Variants in MYCBP2 observed in about 807,000 individuals in gnomAD.
MYCBP2 encodes MYC binding protein 2, also known as E3 ubiquitin-protein ligase MYCBP2.
In MYCBP2, 120 loss-of-function variants were observed where a neutral mutation model predicts 525.3. That is an observed-to-expected ratio of 0.23 (90% CI 0.20 to 0.27). MYCBP2 has a LOEUF of 0.27. Among genes scored for constraint, MYCBP2 ranks in the 10% least tolerant of loss-of-function variants. MYCBP2 has a pLI of 1.00. For missense variants in MYCBP2, 4,149 were observed against 5,657.1 expected, an observed-to-expected ratio of 0.73 and a Z score of 8.55; for synonymous variants, 1,894 against 1,955.8, an observed-to-expected ratio of 0.97 and a Z score of 0.83.
At position 77,169,610 on chromosome 13, in the gene MYCBP2, A is replaced by T. The variant is rs779786201; in HGVS notation, c.5895+4T>A. The T allele has an allele frequency of 7.5e-6, 12 of 1,603,698 alleles. No homozygotes were observed. The highest frequency in any genetic ancestry group is 1.0e-5 in the Non-Finnish European group (12 of 1,171,236). On this transcript the variant is annotated splice_donor_region_variant and intron_variant, in intron 39 of 82. Coordinates refer to ENST00000544440, the MANE Select transcript of MYCBP2 (RefSeq NM_015057.5). ...ATTCAAAGTTATAGAATTAAATTACACACCTTGGGAATAGCAGCAGCTACT... is the reference window on the plus strand; with the variant it reads ...ATTCAAAGTTATAGAATTAAATTACTCACCTTGGGAATAGCAGCAGCTACT...
chr13:77,216,718 T>C (rs2064870263), intron 21 of MYCBP2, among the ~76,000 whole-genome samples: 1 of 152,098 alleles, frequency 6.6e-6, no homozygotes, highest in South Asian at 2.1e-4. Context: ...AATGTTATAA[T>C]AGACAATACA....
intron 55 of MYCBP2, among the ~76,000 whole-genome samples, chr13:77,104,782 G>A (rs938107899): frequency 6.6e-6 from 1 of 152,122 alleles, no homozygotes; most frequent in East Asian, 1.9e-4. Flanking sequence ...AGCAGTTTCC[G>A]AGGATAGGGA....
chr13:77,099,149 A>T (rs990179914), intron 55 of MYCBP2, 136 bp from the exon 56 acceptor site: 2 of 1,156,262 alleles, frequency 1.7e-6, no homozygotes, highest in Admixed American at 2.7e-5. Flanking sequence ...TACTTGAAGA[A>T]TAAAGGAAAG....
chr13:77,065,764 G>GT (rs1264687767), intron 72 of MYCBP2, among the ~76,000 whole-genome samples: 1 of 152,006 alleles, frequency 6.6e-6, no homozygotes, highest in Non-Finnish European at 1.5e-5. Flanking sequence ...TTAAAGTCAC[G>GT]TAACAATTCC....
At chr13:77,121,946 G>A (rs2050777829) in intron 54 of MYCBP2, among the ~76,000 whole-genome samples, 2 of 151,934 alleles carry the variant, frequency 1.3e-5, no homozygotes, top group South Asian at 4.1e-4. Flanking sequence ...ATTTTCATTT[G>A]TTAACTGTTC....
Position 77,058,497 on chromosome 13 carries a change from T to G in MYCBP2, c.13141-91A>C, listed in dbSNP as rs1209297749. ...TATTATATAAATTTCCAAAGATTAC[T>G]TTCCCACAGGAAGTATCTATGCAGG... On this transcript the variant is annotated intron_variant, in intron 77 of 82. Transcript: ENST00000544440. The surrounding 1 kb of genome is among the most constrained non-coding windows in gnomAD (Gnocchi z 4.1). The G allele has an allele frequency of 8.7e-7, 1 of 1,155,492 alleles. No homozygotes were observed. The highest frequency in any genetic ancestry group is 1.2e-6 in the Non-Finnish European group (1 of 846,704). The allele number at this position is 1,155,492 out of a possible 1,614,324, so 71.6% of individuals were successfully genotyped here. A position where few individuals can be genotyped will look rare whatever the true frequency, so the allele number is the denominator to read the frequency against.
intron 15 of MYCBP2, among the ~76,000 whole-genome samples, chr13:77,248,669 T>A (rs900564676): frequency 2.0e-5 from 3 of 152,110 alleles, no homozygotes; most frequent in Non-Finnish European, 2.9e-5. Flanking sequence ...TTGGTGGGAA[T>A]GTAAAATGGT....
intron 26 of MYCBP2, among the ~76,000 whole-genome samples, chr13:77,195,688 T>C (rs888634609): frequency 2.0e-5 from 3 of 152,222 alleles, no homozygotes; most frequent in Non-Finnish European, 4.4e-5. Context: ...TTCAACCATA[T>C]TCCCTATTGC....
chr13:77,294,099 A>C, intron 2 of MYCBP2, among the ~76,000 whole-genome samples: 1 of 9,542 alleles, frequency 1.0e-4, no homozygotes, highest in African/African-American at 1.8e-4. Flanking sequence ...AAGTAGATAT[A>C]ATGGCTATAT....
intron 54 of MYCBP2, among the ~76,000 whole-genome samples, chr13:77,122,359 A>G (rs2050867962): frequency 6.6e-6 from 1 of 152,164 alleles, no homozygotes; most frequent in South Asian, 2.1e-4. Context: ...ATTTTTAAAT[A>G]TCTTATTTTT....
At chr13:77,198,649 T>G (rs1281762808) in intron 26 of MYCBP2, among the ~76,000 whole-genome samples, 1 of 152,224 alleles carries the variant, frequency 6.6e-6, no homozygotes, top group Admixed American at 6.5e-5. Flanking sequence ...TTTAGGATAA[T>G]TTGTTGGCCC....
At chr13:77,111,527 C>T (rs1223663333) in intron 55 of MYCBP2, among the ~76,000 whole-genome samples, 1 of 151,672 alleles carries the variant, frequency 6.6e-6, no homozygotes, top group East Asian at 1.9e-4. Context: ...AGGAATCCTC[C>T]TGCTTCAGCC....
chr13:77,105,390 T>A (rs1447402770), intron 55 of MYCBP2, among the ~76,000 whole-genome samples: 1 of 151,786 alleles, frequency 6.6e-6, no homozygotes, highest in East Asian at 1.9e-4. Flanking sequence ...TGATTCAGAG[T>A]GAAAAAAAGA....
chr13:77,081,205 G>A lies in MYCBP2; in HGVS notation c.11418+222C>T. ...TTCATTTTGCTTAGCTGTAGCCATG[G>A]TATATTTGTAATCAGACCTCTTTTC... is the stretch of plus-strand genomic sequence containing the variant. On this transcript the variant is annotated intron_variant, in intron 65 of 82. Transcript: ENST00000544440. The surrounding 1 kb of genome is among the most constrained non-coding windows in gnomAD (Gnocchi z 4.6). 2.0e-6 allele frequency: 1 copy of A among 511,334 alleles called. No individual in the cohort carries two copies. The highest frequency in any genetic ancestry group is 3.5e-5 in the Admixed American group (1 of 28,668). The allele number at this position is 511,334 out of a possible 1,614,324, so 31.7% of individuals were successfully genotyped here.
At position 77,093,236 on chromosome 13, in the gene MYCBP2, T is replaced by C. The variant is rs773832724; in HGVS notation, c.10296A>G (p.Ile3432Met). 2 of 1,613,502 alleles carry C rather than the reference T, an allele frequency of 1.2e-6. No individual in the cohort carries two copies. Among genetic ancestry groups the C allele is most frequent in the Non-Finnish European group, 1.7e-6 (2 of 1,179,582 alleles). Residue 3432 changes from isoleucine to methionine, a missense_variant, in exon 59 of 83, where the codon ATA becomes ATG. Coordinates refer to ENST00000544440, the MANE Select transcript of MYCBP2 (RefSeq NM_015057.5). ...LRSTSVPAPY[I>M]SVTPDASPNV... ...TAGGACTTGCATCAGGAGTTACTGA[T>C]ATATACGGGGCAGGTACAGATGTTG...
chr13:77,208,435 T>C (rs755322428), intron 23 of MYCBP2, among the ~76,000 whole-genome samples: 2 of 151,688 alleles, frequency 1.3e-5, no homozygotes, highest in Admixed American at 1.3e-4. Flanking sequence ...CACTGTAGCA[T>C]TGTAGGTAGT....
intron 15 of MYCBP2, among the ~76,000 whole-genome samples, chr13:77,249,753 C>G (rs1567048665): frequency 6.6e-6 from 1 of 151,874 alleles, no homozygotes; most frequent in African/African-American, 2.4e-5. Flanking sequence ...ATTTCAATTC[C>G]AACATTGTTA....
chr13:77,310,872 A>T (rs1039178080), intron 1 of MYCBP2, among the ~76,000 whole-genome samples: 2 of 152,152 alleles, frequency 1.3e-5, no homozygotes, highest in African/African-American at 4.8e-5. Context: ...TTAAAGCCAG[A>T]TAAGAGAGTT....
rs1165320077 is a variant in MYCBP2, at chr13:77,098,291, T to C, written c.8863A>G (p.Ser2955Gly). 6.2e-7 allele frequency: 1 copy of C among 1,611,876 alleles called. No individual in the cohort carries two copies. Among genetic ancestry groups the C allele is most frequent in the African/African-American group, 1.3e-5 (1 of 74,902 alleles). The part of the protein sequence containing the change: ...SLTDSTCDDS[S>G]EFKSVDEGSN... ...CCTTCATCCACACTCTTAAATTCAC[T>C]GCTGTCATCGCAGGTGCTGTCTGTT... Residue 2955 changes from serine (S) to glycine (G), a missense_variant, in exon 56 of 83, where the codon AGT (serine) becomes GGT (glycine). By Grantham distance (56) the Ser-to-Gly change is moderately conservative. Coordinates refer to ENST00000544440, the MANE Select transcript of MYCBP2 (RefSeq NM_015057.5).
Sources: gnomAD v4.1 joint callset for allele counts (sites outside exome capture counted in the v4.1 genomes callset) on GRCh38, gnomAD v4.1.1 for gene constraint, Gnocchi (gnomAD v3.1) non-coding constraint, MANE v1.5 for transcripts, NCBI Gene and HGNC (gene_info 2026-07-23, HGNC 2026-07-21) for gene names.